SNX29: variants seen among roughly 807,000 people sequenced by gnomAD.
SNX29 encodes the protein sorting nexin-29.
SNX29 carries 78 observed loss-of-function variants against 102.1 expected under a neutral mutation model. The observed-to-expected ratio is 0.76, with a 90% CI of 0.64 to 0.92. The LOEUF is 0.92. SNX29 is among the 40% of genes least tolerant of loss of function. The pLI is 0.00. For synonymous variants in SNX29, 580 were observed against 414.5 expected, an observed-to-expected ratio of 1.40 and a Z score of -4.85; for missense variants, 1,280 against 1,061.7, an observed-to-expected ratio of 1.21 and a Z score of -2.86.
intron 18 of SNX29, among the ~76,000 whole-genome samples, chr16:12,465,586 AG>A (rs2087013791): frequency 6.6e-6 from 1 of 152,186 alleles, no homozygotes; most frequent in African/African-American, 2.4e-5. Flanking sequence ...TTTTAATGAC[AG>A]CAGCAAACGA....
At chr16:12,511,809 A>T (rs994860522) in intron 19 of SNX29, among the ~76,000 whole-genome samples, 6 of 151,926 alleles carry the variant, frequency 3.9e-5, no homozygotes, top group Admixed American at 6.6e-5. Context: ...CTCGAAAGCA[A>T]TGGGGCTGAG....
intron 20 of SNX29, among the ~76,000 whole-genome samples, chr16:12,536,106 A>G (rs557495415): frequency 4.6e-5 from 7 of 152,244 alleles, no homozygotes; most frequent in Admixed American, 3.3e-4. Flanking sequence ...GACCAGAGAG[A>G]AGGGTGAACA....
intron 18 of SNX29, 23 bp downstream of exon 18, chr16:12,403,552 G>A (rs1416313552): frequency 1.1e-5 from 17 of 1,588,684 alleles, no homozygotes; most frequent in Non-Finnish European, 1.4e-5. Flanking sequence ...TTTTCAGGTG[G>A]ACATCACAGC....
chr16:12,293,079 C>T (rs1046320862), intron 15 of SNX29, among the ~76,000 whole-genome samples: 8 of 152,146 alleles, frequency 5.3e-5, no homozygotes. Flanking sequence ...TCAAACATTG[C>T]AGGGGCATCA....
In SNX29 at chr16:12,325,373, A is replaced by C. The variant is rs576826623; in HGVS notation, c.1783-30790A>C. Among the ~76,000 whole-genome samples the C allele has an allele frequency of 3.4e-4, 52 of 152,334 alleles. No homozygotes were observed. The South Asian group carries it at 0.01, about 30-fold the overall frequency. On this transcript the variant is annotated intron_variant, in intron 15 of 20. Transcript: ENST00000566228. ...CAGGTAGAAGAGGTTTCCTTTGCGA[A>C]AATTATTTAAATGCATTCTGGCAGC...
At chr16:12,280,575 C>G (rs994747541) in intron 15 of SNX29, among the ~76,000 whole-genome samples, 1 of 152,028 alleles carries the variant, frequency 6.6e-6, no homozygotes, top group African/African-American at 2.4e-5. Flanking sequence ...CTGTGGTCAA[C>G]GAGCTGAGAG....
chr16:12,169,403 G>A, intron 13 of SNX29, among the ~76,000 whole-genome samples: 1 of 152,156 alleles, frequency 6.6e-6, no homozygotes, highest in East Asian at 1.9e-4. Flanking sequence ...TTTCAGAAAT[G>A]ACCCCAGGAG....
At chr16:12,208,299 G>A (rs2077096474) in intron 14 of SNX29, among the ~76,000 whole-genome samples, 1 of 152,192 alleles carries the variant, frequency 6.6e-6, no homozygotes, top group Non-Finnish European at 1.5e-5. Flanking sequence ...AGTTTTGGTG[G>A]CTGGTCGGCC....
At chr16:12,530,461 C>G (rs776470453) in intron 20 of SNX29, among the ~76,000 whole-genome samples, 2 of 152,040 alleles carry the variant, frequency 1.3e-5, no homozygotes, top group African/African-American at 2.4e-5. Context: ...CACTCACTGT[C>G]AAGTCTTTTG....
intron 20 of SNX29, among the ~76,000 whole-genome samples, chr16:12,550,782 CTGAGA>C (rs903070390): frequency 1.4e-5 from 2 of 143,010 alleles, no homozygotes; most frequent in Non-Finnish European, 3.0e-5. Flanking sequence ...GGCTGAATAG[CTGAGA>C]TAAGGAAGAG....
chr16:12,307,218 T>G (rs575877870), intron 15 of SNX29, among the ~76,000 whole-genome samples: 1 of 152,324 alleles, frequency 6.6e-6, no homozygotes, highest in South Asian at 2.1e-4. Context: ...CCACTCTTGG[T>G]CTACATTTTT....
intron 14 of SNX29, among the ~76,000 whole-genome samples, chr16:12,234,795 T>G (rs1473737572): frequency 6.6e-6 from 1 of 152,212 alleles, no homozygotes; most frequent in Non-Finnish European, 1.5e-5. Flanking sequence ...TGAAATTACT[T>G]AGGGCTATGT....
chr16:12,366,777 G>A (rs1252545686), intron 16 of SNX29, among the ~76,000 whole-genome samples: 1 of 151,652 alleles, frequency 6.6e-6, no homozygotes, highest in Non-Finnish European at 1.5e-5. Context: ...TTTCTTTTGT[G>A]TCTTTCTCTC....
chr16:12,481,447 CAT>C lies in SNX29; in HGVS notation c.2178+3594_2178+3595del, dbSNP rs536033751. Among the ~76,000 whole-genome samples the C allele has an allele frequency of 4.0e-4, 42 of 106,250 alleles. 1 individual carries two copies. In the South Asian group the frequency reaches 0.013, roughly 34 times the overall value. The allele number at this position is 106,250 out of a possible 152,430, so 69.7% of individuals were successfully genotyped here. ...ACACATATACACATATATACACACA[CAT>C]ATATACATATATATATACACATATA... is the stretch of plus-strand genomic sequence containing the variant. On this transcript the variant is annotated intron_variant, in intron 19 of 20. Transcript: ENST00000566228.
intron 13 of SNX29, among the ~76,000 whole-genome samples, chr16:12,164,595 G>A (rs915561409): frequency 6.6e-6 from 1 of 152,028 alleles, no homozygotes; most frequent in Non-Finnish European, 1.5e-5. Context: ...AAGCTGTATG[G>A]GCAGCCTGAG....
chr16:12,209,371 G>A (rs879485144), intron 14 of SNX29, among the ~76,000 whole-genome samples: 1 of 152,104 alleles, frequency 6.6e-6, no homozygotes, highest in Non-Finnish European at 1.5e-5. Flanking sequence ...TGTATTTTTA[G>A]TAGAGACGGG....
intron 19 of SNX29, among the ~76,000 whole-genome samples, chr16:12,512,109 G>A (rs970616755): frequency 3.2e-4 from 49 of 151,816 alleles, no homozygotes; most frequent in Non-Finnish European, 7.4e-5. Flanking sequence ...ACTGCAGCTG[G>A]TTCTGGCTTC....
At chr16:12,370,493 G>T (rs1018757012) in intron 16 of SNX29, among the ~76,000 whole-genome samples, 1 of 152,162 alleles carries the variant, frequency 6.6e-6, no homozygotes, top group African/African-American at 2.4e-5. Flanking sequence ...CTGGGAGGTG[G>T]AGGTTGCAGC....
chr16:12,543,057 C>A (rs576444464), intron 20 of SNX29, among the ~76,000 whole-genome samples: 1 of 152,192 alleles, frequency 6.6e-6, no homozygotes, highest in East Asian at 1.9e-4. Context: ...CACCAGGACC[C>A]TGTTGGTTTC....
Sources: gnomAD v4.1 joint callset for allele counts (sites outside exome capture counted in the v4.1 genomes callset) on GRCh38, gnomAD v4.1.1 for gene constraint, MANE v1.5 for transcripts, NCBI Gene and HGNC (gene_info 2026-07-23, HGNC 2026-07-21) for gene names.